CSMD1: variants seen among roughly 807,000 people sequenced by gnomAD.
CSMD1 encodes the protein CUB and sushi domain-containing protein 1.
A neutral mutation model predicts 417.5 loss-of-function variants in CSMD1; 213 were observed. That is an observed-to-expected ratio of 0.51 (90% CI 0.46 to 0.57). The LOEUF (loss-of-function observed/expected upper bound fraction) is 0.57. Ranked by LOEUF, CSMD1 falls within the 20% of genes least tolerant of loss-of-function variation. The probability of loss-of-function intolerance (pLI) is 0.00; values close to 1 mark genes in which losing one functional copy is unlikely to be tolerated. For missense variants in CSMD1, 6,923 were observed against 4,529.7 expected, an observed-to-expected ratio of 1.53 and a Z score of -15.17; for synonymous variants, 2,862 against 1,736.8, an observed-to-expected ratio of 1.65 and a Z score of -16.11.
rs1353241552 is a variant in CSMD1 at position 4,868,833 on chromosome 8, A to G, written c.85+125499T>C. On this transcript the variant is annotated intron_variant, in intron 1 of 69. Coordinates refer to ENST00000635120, the MANE Select transcript of CSMD1 (RefSeq NM_033225.6). ...TCATGTGCTGTATCAGCTCCTCTAC[A>G]AAATAGAAATTGATAACCAATTTCA... 3.3e-5 allele frequency among the ~76,000 whole-genome samples: 5 copies of G among 152,060 alleles called. No individual in the cohort carries two copies. In the Middle Eastern group the frequency reaches 0.01, roughly 312 times the overall value.
intron 1 of CSMD1, among the ~76,000 whole-genome samples, chr8:4,898,223 A>G (rs1201248732): frequency 6.6e-6 from 1 of 152,158 alleles, no homozygotes; most frequent in Non-Finnish European, 1.5e-5. Flanking sequence ...AAACGCACAC[A>G]TGAACGGAGA....
chr8:3,796,455 AGATATC>A (rs1249463157), intron 5 of CSMD1, among the ~76,000 whole-genome samples: 25 of 138,960 alleles, frequency 1.8e-4, no homozygotes, highest in South Asian at 6.7e-4. Flanking sequence ...GTATAGATAT[AGATATC>A]TATCATGTAT....
At chr8:4,084,137 A>G (rs974992822) in intron 3 of CSMD1, among the ~76,000 whole-genome samples, 1 of 152,338 alleles carries the variant, frequency 6.6e-6, no homozygotes, top group African/African-American at 2.4e-5. Flanking sequence ...TCTTATGACT[A>G]AATTATTTTT....
In CSMD1 at chr8:4,344,607, G is replaced by A. The variant is rs1394930832; in HGVS notation, c.415+75346C>T. On this transcript the variant is annotated intron_variant, in intron 3 of 69. Coordinates refer to ENST00000635120, the MANE Select transcript of CSMD1 (RefSeq NM_033225.6). Reference sequence around the variant, plus strand: ...ATGACAATGACTCGCTGGGTTATGAGTTACACTACCGCTATGCTCAAAGGA... The same window carrying A: ...ATGACAATGACTCGCTGGGTTATGAATTACACTACCGCTATGCTCAAAGGA... 3.3e-5 allele frequency among the ~76,000 whole-genome samples: 5 copies of A among 151,484 alleles called. No homozygotes were observed. In the East Asian group the frequency reaches 9.7e-4, roughly 29 times the overall value.
At chr8:3,985,141 G>A (rs886400193) in intron 5 of CSMD1, among the ~76,000 whole-genome samples, 2 of 152,080 alleles carry the variant, frequency 1.3e-5, no homozygotes, top group African/African-American at 4.8e-5. Context: ...TACTTCAGGA[G>A]AGGGTGTGAT....
chr8:4,086,859 G>T (rs1220083212), intron 3 of CSMD1, among the ~76,000 whole-genome samples: 1 of 152,138 alleles, frequency 6.6e-6, no homozygotes, highest in Non-Finnish European at 1.5e-5. Context: ...TCACGTTTCT[G>T]GTAGCATAAG....
chr8:4,137,691 G>A (rs954064479), intron 3 of CSMD1, among the ~76,000 whole-genome samples: 1 of 130,584 alleles, frequency 7.7e-6, no homozygotes, highest in African/African-American at 2.5e-5. Flanking sequence ...ATAGCTGTAA[G>A]ACAAGAGATC....
chr8:3,387,048 A>G (rs113362304), intron 18 of CSMD1, among the ~76,000 whole-genome samples: 1 of 152,192 alleles, frequency 6.6e-6, no homozygotes, highest in South Asian at 2.1e-4. Context: ...TGAGCTCAGA[A>G]TGAGAACTCC....
intron 6 of CSMD1, among the ~76,000 whole-genome samples, chr8:3,717,068 T>C (rs750581962): frequency 2.0e-5 from 3 of 152,192 alleles, no homozygotes; most frequent in Non-Finnish European, 4.4e-5. Flanking sequence ...TGAAGTCTGA[T>C]ACTAGAACCT....
intron 3 of CSMD1, among the ~76,000 whole-genome samples, chr8:4,419,447 T>C (rs553338685): frequency 6.6e-6 from 1 of 152,272 alleles, no homozygotes; most frequent in African/African-American, 2.4e-5. Flanking sequence ...AGGCACAAAA[T>C]CTGAAGACAT....
chr8:4,590,550 C>T (rs73659110), intron 2 of CSMD1, among the ~76,000 whole-genome samples: 34,264 of 151,736 alleles, frequency 0.23, 4,952 homozygotes, highest in African/African-American at 0.42. Context: ...ACACCTCTCC[C>T]TATATGCTTT....
In CSMD1 at chr8:2,993,840, G is replaced by C. The variant is rs556975544; in HGVS notation, c.8377+4171C>G. Reference sequence around the variant, plus strand: ...CCCTGCATTGAAGAAAGCAGACAAGGCTCGTGATGTTATCGTCAACGGTTG... The same window carrying C: ...CCCTGCATTGAAGAAAGCAGACAAGCCTCGTGATGTTATCGTCAACGGTTG... On this transcript the variant is annotated intron_variant, in intron 54 of 69. Transcript: ENST00000635120. Among the ~76,000 whole-genome samples, 28 of 152,054 alleles carry C rather than the reference G, an allele frequency of 1.8e-4. No individual in the cohort carries two copies. In the South Asian group the frequency reaches 5.4e-3, roughly 29 times the overall value.
chr8:3,251,482 T>C (rs1455265932), intron 26 of CSMD1, among the ~76,000 whole-genome samples: 1 of 152,234 alleles, frequency 6.6e-6, no homozygotes, highest in East Asian at 1.9e-4. Flanking sequence ...TAGTATAGTT[T>C]GAAGTCAGGT....
chr8:4,907,613 G>A (rs1043349735), intron 1 of CSMD1, among the ~76,000 whole-genome samples: 1 of 152,096 alleles, frequency 6.6e-6, no homozygotes, highest in Non-Finnish European at 1.5e-5. Context: ...AAGCTGAAGT[G>A]CAGTGGCAAA....
intron 5 of CSMD1, among the ~76,000 whole-genome samples, chr8:3,945,146 A>G (rs1015361883): frequency 6.7e-5 from 10 of 150,182 alleles, no homozygotes; most frequent in African/African-American, 1.7e-4. Flanking sequence ...CAATTTGAAC[A>G]ATGATTGCCA....
intron 3 of CSMD1, among the ~76,000 whole-genome samples, chr8:4,110,817 G>A (rs967464148): frequency 2.0e-5 from 3 of 151,960 alleles, no homozygotes; most frequent in Non-Finnish European, 4.4e-5. Context: ...TAAATGTTCT[G>A]CTTCTATTTC....
chr8:3,651,431 C>G (rs563317666), intron 7 of CSMD1, among the ~76,000 whole-genome samples: 43 of 152,164 alleles, frequency 2.8e-4, no homozygotes, highest in Middle Eastern at 3.4e-3. Flanking sequence ...ACTTGCTGAG[C>G]ACGTAATGCC....
In CSMD1 at chr8:3,029,457, C is replaced by T. The variant is rs1287152244; in HGVS notation, c.7717G>A (p.Val2573Ile). ...QLSEHVIWRL[V>I]SGSLNEYGAQ... ...CCGTACTCATTCAAGGATCCTGAAA[C>T]CAGCCTCCAGATGACATGTTCTGAG... Residue 2573 changes from valine to isoleucine, a missense_variant, in exon 51 of 70, where the codon GTT (valine) becomes ATT (isoleucine). Val to Ile is a conservative substitution (Grantham distance 29). Transcript: ENST00000635120. 6.2e-7 allele frequency: 1 copy of T among 1,608,030 alleles called. No individual in the cohort carries two copies. Among genetic ancestry groups the T allele is most frequent in the Non-Finnish European group, 8.5e-7 (1 of 1,177,402 alleles).
At chr8:4,902,267 C>G (rs1418726317) in intron 1 of CSMD1, among the ~76,000 whole-genome samples, 2 of 142,658 alleles carry the variant, frequency 1.4e-5, no homozygotes, top group Admixed American at 6.9e-5. Flanking sequence ...ACATCTCGCT[C>G]TATCTATTAA....
Sources: allele counts gnomAD v4.1 joint callset (sites outside exome capture counted in the v4.1 genomes callset), GRCh38; gene constraint gnomAD v4.1.1; transcripts MANE v1.5; gene names NCBI Gene and HGNC (gene_info 2026-07-23, HGNC 2026-07-21).